VSX2: variants seen among roughly 807,000 people sequenced by gnomAD.
The protein encoded by VSX2 is visual system homeobox 2.
Under a neutral mutation model 32.1 loss-of-function variants are expected in VSX2, and 28 were observed. The observed-to-expected ratio is 0.87, with a 90% CI of 0.65 to 1.20. The LOEUF (loss-of-function observed/expected upper bound fraction) is 1.20, where lower values mean the gene tolerates loss of function less well. Among genes scored for constraint, VSX2 ranks in the 50% most tolerant of loss-of-function variants. The pLI is 0.00. For synonymous variants in VSX2, 243 were observed against 214.1 expected (o/e 1.14, Z -1.18); for missense variants, 506 against 488.7 (o/e 1.04, Z -0.33).
At chr14:74,254,982 G>A (rs369379296) in intron 3 of VSX2, among the ~76,000 whole-genome samples, 26 of 151,844 alleles carry the variant, frequency 1.7e-4, no homozygotes, top group African/African-American at 5.8e-4. Context: ...GGGTTTCACC[G>A]TGTTAGCCAG....
chr14:74,247,975 C>T (rs2079203278), intron 3 of VSX2, among the ~76,000 whole-genome samples: 1 of 152,040 alleles, frequency 6.6e-6, no homozygotes, highest in South Asian at 2.1e-4. Flanking sequence ...CAGCAGAGTC[C>T]TCAGAACACC....
Position 74,241,168 on chromosome 14 carries a change from C to G in VSX2, c.371-14C>G. 6.2e-7 allele frequency: 1 copy of G among 1,612,542 alleles called. No homozygotes were observed. On this transcript the variant is annotated splice_polypyrimidine_tract_variant and intron_variant, in intron 1 of 4. Transcript: ENST00000261980. Reference sequence around the variant, plus strand: ...TCCCCCACTCTGCCGCATGTCCCTACGCCCGCTTTTCAGATTCTGAAGATG... The same window carrying G: ...TCCCCCACTCTGCCGCATGTCCCTAGGCCCGCTTTTCAGATTCTGAAGATG...
chr14:74,261,406 T>A lies in VSX2; in HGVS notation c.*487T>A. 1 of 168,144 alleles carries A rather than the reference T, an allele frequency of 5.9e-6. No individual in the cohort carries two copies. Among genetic ancestry groups the A allele is most frequent in the Non-Finnish European group, 1.3e-5 (1 of 76,534 alleles). 10.4% of individuals were successfully genotyped at this position (168,144 alleles called of 1,614,324 possible). On this transcript the variant is annotated 3_prime_UTR_variant, in exon 5 of 5. Transcript: ENST00000261980. ...AGCACCCCACTCCTCAGTAAAAGTC[T>A]TCTCCCAACTCAGCCTGTTCCTTCC...
chr14:74,259,851 C>G, intron 4 of VSX2, 69 bp downstream of exon 4: 1 of 1,519,546 alleles, frequency 6.6e-7, no homozygotes, highest in Non-Finnish European at 8.9e-7. Context: ...GAGGAGGGGA[C>G]AGAGCCTTGA....
intron 3 of VSX2, among the ~76,000 whole-genome samples, chr14:74,247,869 A>C (rs970995058): frequency 2.0e-5 from 3 of 151,836 alleles, no homozygotes; most frequent in Non-Finnish European, 2.9e-5. Flanking sequence ...AATTCTGTAC[A>C]TGAATTCAAG....
chr14:74,253,735 A>G lies in VSX2; in HGVS notation c.580-5867A>G, dbSNP rs532097435. Among the ~76,000 whole-genome samples the G allele has an allele frequency of 1.1e-3, 164 of 152,274 alleles. 1 individual carries two copies. The highest frequency in any genetic ancestry group is 3.8e-3 in the African/African-American group (156 of 41,548). ...CACCTGAGGTTGGGAGCTCAAAACC[A>G]GCCTGGCCAACATGGTGAAACCCTG... On this transcript the variant is annotated intron_variant, in intron 3 of 4. Coordinates refer to ENST00000261980, the MANE Select transcript of VSX2 (RefSeq NM_182894.3).
intron 2 of VSX2, among the ~76,000 whole-genome samples, chr14:74,243,978 G>A (rs1198679469): frequency 6.6e-6 from 1 of 152,176 alleles, no homozygotes; most frequent in Non-Finnish European, 1.5e-5. Flanking sequence ...GTTTGTGGAC[G>A]CTGGACTATA....
chr14:74,248,334 T>TAAAAAAAAAAAAAAAAAA (rs781035795), intron 3 of VSX2, among the ~76,000 whole-genome samples: 2 of 84,744 alleles, frequency 2.4e-5, no homozygotes, highest in Non-Finnish European at 4.3e-5. Context: ...GAGACCAGGC[T>TAAAAAAAAAAAAAAAAAA]AAAAAAAAAA....
intron 3 of VSX2, among the ~76,000 whole-genome samples, chr14:74,247,241 C>T (rs910378344): frequency 6.6e-6 from 1 of 152,156 alleles, no homozygotes; most frequent in Admixed American, 6.5e-5. Context: ...TCACAGCGAT[C>T]GTTTCCAGAG....
chr14:74,242,265 ACT>A (rs1274916528), intron 2 of VSX2, among the ~76,000 whole-genome samples: 5 of 151,536 alleles, frequency 3.3e-5, no homozygotes, highest in Admixed American at 3.3e-4. Context: ...GCCGCCACAG[ACT>A]CTGCGCCCTT....
intron 3 of VSX2, among the ~76,000 whole-genome samples, chr14:74,247,979 G>T (rs944414689): frequency 2.6e-5 from 4 of 152,068 alleles, no homozygotes; most frequent in African/African-American, 9.7e-5. Context: ...AGAGTCCTCA[G>T]AACACCCATG....
intron 2 of VSX2, among the ~76,000 whole-genome samples, chr14:74,244,445 G>T (rs140116078): frequency 2.8e-4 from 42 of 152,262 alleles, no homozygotes; most frequent in African/African-American, 9.4e-4. Flanking sequence ...TGTCGAGGAA[G>T]GGCAGGGGAG....
chr14:74,259,330 G>A (rs556496329), intron 3 of VSX2, among the ~76,000 whole-genome samples: 27 of 152,208 alleles, frequency 1.8e-4, no homozygotes, highest in Non-Finnish European at 2.6e-4. Context: ...GCAAACAGTC[G>A]ATGACACTGG....
At chr14:74,259,136 T>C (rs568998986) in intron 3 of VSX2, among the ~76,000 whole-genome samples, 8 of 152,318 alleles carry the variant, frequency 5.3e-5, no homozygotes, top group African/African-American at 1.9e-4. Context: ...CTCACTCACC[T>C]GCAGCCCTCC....
chr14:74,262,358 C>T lies in VSX2; in HGVS notation c.*1439C>T, dbSNP rs2079314021. The T allele has an allele frequency of 6.6e-6, 1 of 152,292 alleles. No individual in the cohort carries two copies. The highest frequency in any genetic ancestry group is 2.1e-4 in the South Asian group (1 of 4,830). The allele number at this position is 152,292 out of a possible 1,614,324, so 9.4% of individuals were successfully genotyped here. A position where few individuals can be genotyped will look rare whatever the true frequency, so the allele number is the denominator to read the frequency against. On this transcript the variant is annotated 3_prime_UTR_variant, in exon 5 of 5. Transcript: ENST00000261980. ...ACATAGCCCTGTTGACCTGCCCGAT[C>T]CAGATTCCCAGGCCAGGCTCCCGAC...
intron 3 of VSX2, among the ~76,000 whole-genome samples, chr14:74,248,342 A>C (rs1174413788): frequency 2.1e-5 from 3 of 139,540 alleles, no homozygotes; most frequent in East Asian, 2.1e-4. Flanking sequence ...GCTAAAAAAA[A>C]AAAAAAAAAC....
chr14:74,253,130 G>A (rs28578874), intron 3 of VSX2, among the ~76,000 whole-genome samples: 41,771 of 151,508 alleles, frequency 0.28, 6,656 homozygotes, highest in East Asian at 0.64. Context: ...TTTGTCCTGG[G>A]ACTCCAAATC....
intron 3 of VSX2, among the ~76,000 whole-genome samples, chr14:74,253,047 T>C (rs867006942): frequency 7.6e-4 from 35 of 46,102 alleles, no homozygotes; most frequent in Middle Eastern, 0.038. Flanking sequence ...AGACTCCATC[T>C]CAAAAAAAAA....
Position 74,260,930 on chromosome 14 carries a change from G to A in VSX2, c.*11G>A, listed in dbSNP as rs140814896. 3.8e-4 allele frequency: 593 copies of A among 1,552,150 alleles called. 8 individuals are homozygous for A. The African/African-American group carries it at 7.2e-3, about 19-fold the overall frequency. On this transcript the variant is annotated 3_prime_UTR_variant, in exon 5 of 5. Coordinates refer to ENST00000261980, the MANE Select transcript of VSX2 (RefSeq NM_182894.3). ...GAGGACATGGCTTAGGTCAAGGCGC[G>A]CTCAGATGCCGGAGCCCCAAGACTC...
Sources: allele counts gnomAD v4.1 joint callset (sites outside exome capture counted in the v4.1 genomes callset), GRCh38; gene constraint gnomAD v4.1.1; transcripts MANE v1.5; gene names NCBI Gene and HGNC (gene_info 2026-07-23, HGNC 2026-07-21).